The following IQCJ variants were observed in gnomAD, a reference collection of about 807,000 sequenced individuals.
IQCJ encodes the protein IQ motif containing J, also known as IQ domain-containing protein J.
Under a neutral mutation model 11.0 loss-of-function variants are expected in IQCJ, and 9 were observed. That is an observed-to-expected ratio of 0.82 (90% confidence interval 0.49 to 1.43). IQCJ has a LOEUF of 1.43. IQCJ is among the 40% of genes most tolerant of loss of function. The pLI, the probability that IQCJ is intolerant of heterozygous loss-of-function variation, is 0.00. For missense variants in IQCJ, 146 were observed against 133.2 expected, an observed-to-expected ratio of 1.10 and a Z score of -0.47; for synonymous variants, 55 against 51.3, an observed-to-expected ratio of 1.07 and a Z score of -0.31.
intron 1 of IQCJ, among the ~76,000 whole-genome samples, chr3:159,090,440 G>C (rs1245556920): frequency 6.6e-6 from 1 of 151,798 alleles, no homozygotes; most frequent in Non-Finnish European, 1.5e-5. Flanking sequence ...CCTCACATAA[G>C]TTCTGTTTGT....
At chr3:159,236,286 A>C (rs1438553884) in intron 1 of IQCJ, among the ~76,000 whole-genome samples, 3 of 150,806 alleles carry the variant, frequency 2.0e-5, no homozygotes, top group Admixed American at 6.6e-5. Context: ...AAAAAAAAAA[A>C]CCAAGGAATT....
chr3:159,217,478 G>A (rs1394047087), intron 1 of IQCJ, among the ~76,000 whole-genome samples: 2 of 152,050 alleles, frequency 1.3e-5, no homozygotes, highest in Non-Finnish European at 2.9e-5. Flanking sequence ...TAAGAATCAG[G>A]AATGTTGATT....
At chr3:159,200,047 T>TATAA (rs946263011) in intron 1 of IQCJ, among the ~76,000 whole-genome samples, 2 of 139,906 alleles carry the variant, frequency 1.4e-5, no homozygotes, top group African/African-American at 5.5e-5. Flanking sequence ...TATATATATA[T>TATAA]AAATCTAAAT....
intron 1 of IQCJ, among the ~76,000 whole-genome samples, chr3:159,090,771 C>A (rs1323871785): frequency 6.6e-6 from 1 of 151,842 alleles, no homozygotes; most frequent in Non-Finnish European, 1.5e-5. Flanking sequence ...ACTCACAGCC[C>A]ATTTGCCTGA....
chr3:159,251,441 A>G (rs927814869), intron 2 of IQCJ, among the ~76,000 whole-genome samples: 1 of 151,782 alleles, frequency 6.6e-6, no homozygotes, highest in African/African-American at 2.4e-5. Flanking sequence ...TCCCTGCTGC[A>G]ATAGATTATG....
chr3:159,246,242 A>G (rs896541706), intron 2 of IQCJ, among the ~76,000 whole-genome samples: 3 of 152,240 alleles, frequency 2.0e-5, no homozygotes, highest in Admixed American at 1.3e-4. Flanking sequence ...AAAAAGTGCA[A>G]AGCTAACACT....
At chr3:159,244,391 C>G (rs368936689) in intron 1 of IQCJ, among the ~76,000 whole-genome samples, 2 of 152,092 alleles carry the variant, frequency 1.3e-5, no homozygotes, top group African/African-American at 4.8e-5. Context: ...ACCTCCACAC[C>G]ATGTAGTATG....
chr3:159,239,488 C>A lies in IQCJ; in HGVS notation c.10-6355C>A, dbSNP rs142543267. Reference sequence around the variant, plus strand: ...GAAAAAAAAAATAGAAGAAAGCATACCACAGCCACATCTTGGAGAAGAAAG... The same window carrying A: ...GAAAAAAAAAATAGAAGAAAGCATAACACAGCCACATCTTGGAGAAGAAAG... On this transcript the variant is annotated intron_variant, in intron 1 of 3. Transcript: ENST00000397832. Among the ~76,000 whole-genome samples the A allele has an allele frequency of 6.0e-3, 916 of 152,250 alleles. 8 individuals are homozygous for A. Among genetic ancestry groups the A allele is most frequent in the African/African-American group, 0.02 (848 of 41,556 alleles).
At chr3:159,261,299 G>A (rs1728188945) in intron 3 of IQCJ, among the ~76,000 whole-genome samples, 1 of 152,168 alleles carries the variant, frequency 6.6e-6, no homozygotes, top group East Asian at 1.9e-4. Flanking sequence ...TAGTCCGCAT[G>A]AACTGTTAAC....
intron 1 of IQCJ, among the ~76,000 whole-genome samples, chr3:159,086,081 A>G (rs1312277494): frequency 6.6e-6 from 1 of 152,138 alleles, no homozygotes. Context: ...TCCATCTTGA[A>G]TTGATTTTTG....
chr3:159,229,657 C>A lies in IQCJ; in HGVS notation c.10-16186C>A, dbSNP rs1032978823. Reference sequence around the variant, plus strand: ...CTTTCTCAACTTCTGTTTTTAATTTCATGCTTTCTGTGTTGTGGCTTCTAC... The same window carrying A: ...CTTTCTCAACTTCTGTTTTTAATTTAATGCTTTCTGTGTTGTGGCTTCTAC... On this transcript the variant is annotated intron_variant, in intron 1 of 3. Transcript: ENST00000397832. Among the ~76,000 whole-genome samples, 4 of 146,098 alleles carry A rather than the reference C, an allele frequency of 2.7e-5. No homozygotes were observed. The South Asian group carries it at 6.9e-4, about 25-fold the overall frequency.
chr3:159,233,335 T>C (rs1726380048), intron 1 of IQCJ, among the ~76,000 whole-genome samples: 1 of 152,136 alleles, frequency 6.6e-6, no homozygotes, highest in African/African-American at 2.4e-5. Flanking sequence ...ACTGTCCTGA[T>C]GAGTTTGGCA....
intron 1 of IQCJ, among the ~76,000 whole-genome samples, chr3:159,074,093 G>A (rs1428731998): frequency 2.6e-5 from 4 of 152,002 alleles, no homozygotes; most frequent in East Asian, 1.9e-4. Context: ...GGAGCTGGCC[G>A]AAGAACTGCG....
chr3:159,084,853 T>C (rs1455374474), intron 1 of IQCJ, among the ~76,000 whole-genome samples: 1 of 152,082 alleles, frequency 6.6e-6, no homozygotes, highest in African/African-American at 2.4e-5. Flanking sequence ...ACTCTAGTCC[T>C]GTCTTTCGGG....
In IQCJ at chr3:159,111,552, C is replaced by T. The variant is rs552002276; in HGVS notation, c.9+42111C>T. On this transcript the variant is annotated intron_variant, in intron 1 of 3. Transcript: ENST00000397832. Reference sequence around the variant, plus strand: ...CTAATCTGAGCATCTTCTGGACCATCCTGTAACTGAATACTGGGCTTGCAT... The same window carrying T: ...CTAATCTGAGCATCTTCTGGACCATTCTGTAACTGAATACTGGGCTTGCAT... 1.4e-4 allele frequency among the ~76,000 whole-genome samples: 22 copies of T among 152,242 alleles called. No homozygotes were observed. In the South Asian group the frequency reaches 4.6e-3, roughly 32 times the overall value.
intron 1 of IQCJ, among the ~76,000 whole-genome samples, chr3:159,191,527 G>A (rs915669825): frequency 1.3e-5 from 2 of 152,134 alleles, no homozygotes; most frequent in African/African-American, 4.8e-5. Context: ...TGTTTTCCCT[G>A]TCATTGCTGA....
chr3:159,127,556 C>T (rs1559995660), intron 1 of IQCJ, among the ~76,000 whole-genome samples: 1 of 152,114 alleles, frequency 6.6e-6, no homozygotes, highest in Non-Finnish European at 1.5e-5. Context: ...TGAACCTCCT[C>T]GTTGTATATT....
intron 1 of IQCJ, among the ~76,000 whole-genome samples, chr3:159,196,554 C>T (rs1366833762): frequency 6.6e-6 from 1 of 152,202 alleles, no homozygotes; most frequent in African/African-American, 2.4e-5. Context: ...CATTTGAGAA[C>T]TGATGTTCTG....
chr3:159,121,069 A>C (rs1432744529), intron 1 of IQCJ, among the ~76,000 whole-genome samples: 2 of 151,826 alleles, frequency 1.3e-5, no homozygotes, highest in African/African-American at 4.8e-5. Flanking sequence ...CTTGGCCATA[A>C]CTATCCCAAG....
Sources: allele counts gnomAD v4.1 joint callset (sites outside exome capture counted in the v4.1 genomes callset), GRCh38; gene constraint gnomAD v4.1.1; transcripts MANE v1.5; gene names NCBI Gene and HGNC (gene_info 2026-07-23, HGNC 2026-07-21).